Variants in RFC1 observed in about 807,000 individuals in gnomAD.
RFC1 encodes the protein A1 140 kDa subunit.
RFC1 carries 37 observed loss-of-function variants against 137.4 expected under a neutral mutation model. That is an observed-to-expected ratio of 0.27 (90% CI 0.21 to 0.35). The LOEUF is 0.35. Among genes scored for constraint, RFC1 ranks in the 10% least tolerant of loss-of-function variants. The pLI, the probability that RFC1 is intolerant of heterozygous loss-of-function variation, is 1.00. For synonymous variants in RFC1, 429 were observed against 455.7 expected, an observed-to-expected ratio of 0.94 and a Z score of 0.75; for missense variants, 1,205 against 1,358.5, an observed-to-expected ratio of 0.89 and a Z score of 1.78.
rs59665003 is a variant in RFC1, at chr4:39,360,518, TTAAAA to T, written c.3+5716_3+5720del. On this transcript the variant is annotated intron_variant, in intron 1 of 24. Transcript: ENST00000349703. ...GACTCCATCTCTATACAAAATAAAA[TTAAAA>T]TAAAATAAAATAAAATAAAATAAAA... Among the ~76,000 whole-genome samples the T allele has an allele frequency of 1.3e-3, 183 of 146,364 alleles. 2 individuals carry two copies. Among genetic ancestry groups the T allele is most frequent in the African/African-American group, 2.6e-3 (102 of 39,892 alleles).
chr4:39,365,738 T>C (rs1344870772), intron 1 of RFC1, among the ~76,000 whole-genome samples: 1 of 152,234 alleles, frequency 6.6e-6, no homozygotes, highest in East Asian at 1.9e-4. Flanking sequence ...CAGGTGATCG[T>C]TAATGACGAG....
At chr4:39,293,887 G>C (rs1222237531) in intron 22 of RFC1, among the ~76,000 whole-genome samples, 14 of 152,170 alleles carry the variant, frequency 9.2e-5, no homozygotes. Flanking sequence ...CCAATGAGAA[G>C]AGCCATGGGG....
intron 15 of RFC1, among the ~76,000 whole-genome samples, chr4:39,303,459 A>ATT (rs1161017753): frequency 2.0e-5 from 3 of 147,094 alleles, no homozygotes; most frequent in African/African-American, 2.5e-5. Context: ...TGAGTTTTGA[A>ATT]TTTTTTTTTT....
Position 39,311,566 on chromosome 4 carries a change from T to C in RFC1, c.1384-17A>G, listed in dbSNP as rs1343607950. 3.1e-6 allele frequency: 5 copies of C among 1,604,252 alleles called. No homozygotes were observed. Among genetic ancestry groups the C allele is most frequent in the African/African-American group, 1.3e-5 (1 of 74,672 alleles). ...GGCTGCGGCCTGTTGATTAAAAATG[T>C]AAACCATCAAAACTGCATCCTGCAT... On this transcript the variant is annotated splice_polypyrimidine_tract_variant and intron_variant, in intron 11 of 24. Transcript: ENST00000349703.
chr4:39,291,811 G>A lies in RFC1; in HGVS notation c.2996C>T (p.Ser999Leu), dbSNP rs1737693844. 1.2e-6 allele frequency: 2 copies of A among 1,614,112 alleles called. No homozygotes were observed. Among genetic ancestry groups the A allele is most frequent in the Non-Finnish European group, 8.5e-7 (1 of 1,179,982 alleles). The change falls in exon 23 of 25, where the codon TCG (serine) becomes TTG (leucine). Residue 999 changes from serine (S) to leucine (L), a missense_variant. Coordinates refer to ENST00000349703, the MANE Select transcript of RFC1 (RefSeq NM_002913.5). ...SKRTVNMDYL[S>L]LLRDALVQPL... is the part of the protein sequence containing the mutation. ...CTGTACAAGTGCATCCCTTAGAAGC[G>A]ACAGATAATCCATGTTTACAGTCCT...
At chr4:39,359,788 CTCCA>C (rs1741658399) in intron 1 of RFC1, among the ~76,000 whole-genome samples, 1 of 150,720 alleles carries the variant, frequency 6.6e-6, no homozygotes, top group African/African-American at 2.4e-5. Flanking sequence ...CGCCACTGCA[CTCCA>C]GCCTGGGTGA....
chr4:39,319,546 T>G (rs17335006), intron 9 of RFC1, among the ~76,000 whole-genome samples: 1 of 152,234 alleles, frequency 6.6e-6, no homozygotes, highest in African/African-American at 2.4e-5. Context: ...TTAGCTATAT[T>G]AATACTCCAT....
At chr4:39,315,818 A>G (rs1739211547) in intron 10 of RFC1, among the ~76,000 whole-genome samples, 1 of 151,882 alleles carries the variant, frequency 6.6e-6, no homozygotes, top group South Asian at 2.1e-4. Context: ...ATCACTTCTC[A>G]CCATCTCTCC....
chr4:39,296,132 T>C (rs1737978189), intron 21 of RFC1, among the ~76,000 whole-genome samples: 1 of 152,172 alleles, frequency 6.6e-6, no homozygotes, highest in African/African-American at 2.4e-5. Context: ...CATAGGTAGA[T>C]TAAAGCATAG....
Position 39,327,530 on chromosome 4 carries a change from T to G in RFC1, c.558A>C (p.Arg186Ser). 1.2e-6 allele frequency: 2 copies of G among 1,607,144 alleles called. No individual in the cohort carries two copies. The highest frequency in any genetic ancestry group is 1.7e-6 in the Non-Finnish European group (2 of 1,176,942). The change falls in exon 5 of 25, where the codon AGA becomes AGC. Residue 186 changes from arginine (R) to serine (S), a missense_variant. Physicochemically the swap from Arg to Ser is moderately radical, Grantham distance 110 (BLOSUM62 -1). Coordinates refer to ENST00000349703, the MANE Select transcript of RFC1 (RefSeq NM_002913.5). The part of the protein sequence containing the change: ...RSNKKMVASK[R>S]KELSQNTDES... ...TTATATGTAGAACACTTACCTCTTT[T>G]CTTTTGCTTGCCACCATCTTCTTAT...
chr4:39,336,260 A>C lies in RFC1; in HGVS notation c.331+6085T>G, dbSNP rs1284857032. ...ATCAGTGACCTTTGAATCATCATAT[A>C]AAATAGAAGCCCCTGAAGATTAAAG... On this transcript the variant is annotated intron_variant, in intron 4 of 24. Coordinates refer to ENST00000349703, the MANE Select transcript of RFC1 (RefSeq NM_002913.5). Among the ~76,000 whole-genome samples, 3 of 152,330 alleles carry C rather than the reference A, an allele frequency of 2.0e-5. No individual in the cohort carries two copies. In the East Asian group the frequency reaches 5.8e-4, roughly 29 times the overall value.
intron 14 of RFC1, 99 bp downstream of exon 14, chr4:39,306,493 C>A (rs574351861): frequency 3.0e-6 from 2 of 660,598 alleles, no homozygotes; most frequent in Admixed American, 2.7e-5. Flanking sequence ...AGACACCACA[C>A]ACACACATGC....
intron 10 of RFC1, 103 bp from the exon 11 acceptor site, chr4:39,313,034 C>A: frequency 1.1e-6 from 1 of 944,394 alleles, no homozygotes; most frequent in African/African-American, 1.7e-5. Flanking sequence ...CATTTCACAT[C>A]ATAAATAACC....
chr4:39,338,454 A>C (rs1057122017), intron 4 of RFC1, among the ~76,000 whole-genome samples: 1 of 152,224 alleles, frequency 6.6e-6, no homozygotes, highest in Non-Finnish European at 1.5e-5. Context: ...ATAAAATTTC[A>C]AATTTTCTCA....
chr4:39,297,724 A>T (rs1162280162), intron 21 of RFC1: 5 of 152,308 alleles, frequency 3.3e-5, no homozygotes, highest in African/African-American at 1.2e-4. Flanking sequence ...CACTTTCTTA[A>T]AGGCTGGAAT....
chr4:39,339,441 C>T (rs969591425), intron 4 of RFC1, among the ~76,000 whole-genome samples: 1 of 152,116 alleles, frequency 6.6e-6, no homozygotes, highest in Non-Finnish European at 1.5e-5. Flanking sequence ...GCCATCCTAA[C>T]GAGTGAGGTG....
chr4:39,359,753 C>G, intron 1 of RFC1, among the ~76,000 whole-genome samples: 1 of 150,770 alleles, frequency 6.6e-6, no homozygotes, highest in East Asian at 2.0e-4. Context: ...ACCCGGGAGG[C>G]GGACCTTGCA....
At chr4:39,327,823 T>C in intron 4 of RFC1, 67 bp from the exon 5 acceptor site, 1 of 1,184,734 alleles carries the variant, frequency 8.4e-7, no homozygotes, top group Non-Finnish European at 1.2e-6. Context: ...AAAACACTTC[T>C]ACCAACTTTA....
At chr4:39,300,519 T>C in intron 19 of RFC1, 105 bp from the exon 20 acceptor site, 3 of 821,010 alleles carry the variant, frequency 3.7e-6, no homozygotes, top group Non-Finnish European at 5.9e-6. Flanking sequence ...CATTCATTGC[T>C]GGTGGGAATG....
Sources: allele counts gnomAD v4.1 joint callset (sites outside exome capture counted in the v4.1 genomes callset), GRCh38; gene constraint gnomAD v4.1.1; transcripts MANE v1.5; gene names NCBI Gene and HGNC (gene_info 2026-07-23, HGNC 2026-07-21).